Variants in DKK2 observed in about 807,000 individuals in gnomAD.
The protein encoded by DKK2 is dickkopf Wnt signaling pathway inhibitor 2.
A neutral mutation model predicts 28.1 loss-of-function variants in DKK2; 11 were observed. The observed-to-expected ratio is 0.39, with a 90% CI of 0.25 to 0.65. The LOEUF (loss-of-function observed/expected upper bound fraction) is 0.65, where lower values mean the gene tolerates loss of function less well. Ranked by LOEUF, DKK2 falls within the 30% of genes least tolerant of loss-of-function variation. The pLI is 0.47. For synonymous variants in DKK2, 135 were observed against 126.5 expected (o/e 1.07, Z -0.45); for missense variants, 326 against 335.5 (o/e 0.97, Z 0.22).
intron 1 of DKK2, among the ~76,000 whole-genome samples, chr4:106,936,300 C>T (rs1025886109): frequency 6.6e-6 from 1 of 152,016 alleles, no homozygotes; most frequent in African/African-American, 2.4e-5. Flanking sequence ...AACCAAGGCT[C>T]AAGAACTACG....
intron 1 of DKK2, among the ~76,000 whole-genome samples, chr4:107,008,085 G>T (rs574289986): frequency 6.6e-6 from 1 of 152,200 alleles, no homozygotes; most frequent in Admixed American, 6.5e-5. Flanking sequence ...TGGTAAAACA[G>T]AGCCAAAAGA....
intron 1 of DKK2, among the ~76,000 whole-genome samples, chr4:106,953,667 A>G (rs1387233294): frequency 6.6e-6 from 1 of 152,132 alleles, no homozygotes; most frequent in African/African-American, 2.4e-5. Flanking sequence ...TTTCTGTGTC[A>G]ATTTGAGACA....
chr4:106,965,624 T>G (rs1468940543), intron 1 of DKK2, among the ~76,000 whole-genome samples: 1 of 151,960 alleles, frequency 6.6e-6, no homozygotes, highest in Non-Finnish European at 1.5e-5. Flanking sequence ...CTTTAAGTTT[T>G]AGGGTACATG....
At chr4:106,997,631 G>T (rs1723295035) in intron 1 of DKK2, among the ~76,000 whole-genome samples, 1 of 152,134 alleles carries the variant, frequency 6.6e-6, no homozygotes, top group Admixed American at 6.5e-5. Context: ...AGTTAATGGG[G>T]AGACAGGAAC....
At chr4:106,954,134 G>C (rs577141735) in intron 1 of DKK2, among the ~76,000 whole-genome samples, 15 of 152,294 alleles carry the variant, frequency 9.8e-5, no homozygotes, top group African/African-American at 3.6e-4. Context: ...AAGCTCTAGA[G>C]TAGAAAATAA....
chr4:106,972,772 G>A (rs187674646), intron 1 of DKK2, among the ~76,000 whole-genome samples: 1 of 152,102 alleles, frequency 6.6e-6, no homozygotes, highest in Non-Finnish European at 1.5e-5. Context: ...TAAGTTCTCA[G>A]ATACATTTGC....
rs914309350 is a variant in DKK2, at chr4:107,036,200, CG to C, written c.-610del. 2.0e-5 allele frequency: 3 copies of C among 152,680 alleles called. No homozygotes were observed. The highest frequency in any genetic ancestry group is 7.2e-5 in the African/African-American group (3 of 41,440). The allele number at this position is 152,680 out of a possible 1,614,324, so 9.5% of individuals were successfully genotyped here. ...CCCACACGCGCACTCACAGTTGCCCCGAAGCGTTGTCCCCTGACTCACAAGA... is the reference window on the plus strand; with the variant it reads ...CCCACACGCGCACTCACAGTTGCCCCAAGCGTTGTCCCCTGACTCACAAGA... On this transcript the variant is annotated 5_prime_UTR_variant, in exon 1 of 4. Transcript: ENST00000285311.
chr4:107,003,732 A>G (rs1173094404), intron 1 of DKK2, among the ~76,000 whole-genome samples: 1 of 152,210 alleles, frequency 6.6e-6, no homozygotes, highest in African/African-American at 2.4e-5. Flanking sequence ...CAGTAGTATA[A>G]AACTAACCTG....
chr4:106,997,875 T>C (rs1218994834), intron 1 of DKK2, among the ~76,000 whole-genome samples: 1 of 152,174 alleles, frequency 6.6e-6, no homozygotes. Context: ...AAATTACAAC[T>C]GACTAAATGT....
chr4:107,018,066 A>G (rs986896369), intron 1 of DKK2, among the ~76,000 whole-genome samples: 2 of 152,078 alleles, frequency 1.3e-5, no homozygotes, highest in African/African-American at 4.8e-5. Flanking sequence ...GAGGAAATCA[A>G]AATCAAAACG....
At chr4:106,987,212 T>C (rs924741787) in intron 1 of DKK2, among the ~76,000 whole-genome samples, 35 of 152,340 alleles carry the variant, frequency 2.3e-4, no homozygotes, top group African/African-American at 8.2e-4. Flanking sequence ...TGGCTGTGTA[T>C]AAAATATGAT....
intron 1 of DKK2, among the ~76,000 whole-genome samples, chr4:106,971,174 T>G (rs895162603): frequency 2.6e-5 from 4 of 152,064 alleles, no homozygotes; most frequent in Non-Finnish European, 5.9e-5. Flanking sequence ...TTGGGTTACT[T>G]TGGAGATATA....
At chr4:106,961,565 G>GCA (rs34597899) in intron 1 of DKK2, among the ~76,000 whole-genome samples, 8,955 of 136,136 alleles carry the variant, frequency 0.066, 291 homozygotes, top group South Asian at 0.087. Context: ...CCAACAGCCT[G>GCA]CACACACACA....
chr4:107,006,694 C>G (rs933034099), intron 1 of DKK2, among the ~76,000 whole-genome samples: 3 of 152,170 alleles, frequency 2.0e-5, no homozygotes, highest in Admixed American at 6.5e-5. Flanking sequence ...CAATCTAACT[C>G]AAGTGAAAGA....
chr4:106,938,146 C>CA (rs1348156222), intron 1 of DKK2, among the ~76,000 whole-genome samples: 2 of 146,358 alleles, frequency 1.4e-5, no homozygotes, highest in Non-Finnish European at 3.0e-5. Flanking sequence ...AATAGAGACA[C>CA]AAAAAACCCT....
At chr4:107,021,736 A>G (rs939816147) in intron 1 of DKK2, among the ~76,000 whole-genome samples, 22 of 152,128 alleles carry the variant, frequency 1.4e-4, no homozygotes, top group African/African-American at 5.1e-4. Flanking sequence ...CTCAGGGAAC[A>G]GTGAGTCATT....
intron 1 of DKK2, among the ~76,000 whole-genome samples, chr4:107,017,914 C>G (rs1723633848): frequency 6.6e-6 from 1 of 152,036 alleles, no homozygotes; most frequent in South Asian, 2.1e-4. Context: ...AAAAAACACC[C>G]ATTTCAGTAC....
chr4:107,022,335 G>A (rs1023130097), intron 1 of DKK2, among the ~76,000 whole-genome samples: 16 of 152,074 alleles, frequency 1.1e-4, no homozygotes, highest in Admixed American at 9.8e-4. Context: ...CAATTAGCAC[G>A]TTGACTGACT....
At chr4:106,950,863 C>T (rs538870644) in intron 1 of DKK2, among the ~76,000 whole-genome samples, 3 of 152,250 alleles carry the variant, frequency 2.0e-5, no homozygotes, top group African/African-American at 7.2e-5. Context: ...GAAACCATAA[C>T]TTGAGTACAG....
Sources: allele counts gnomAD v4.1 joint callset (sites outside exome capture counted in the v4.1 genomes callset), GRCh38; gene constraint gnomAD v4.1.1; transcripts MANE v1.5; gene names NCBI Gene and HGNC (gene_info 2026-07-23, HGNC 2026-07-21).